UBE2H: variants seen among roughly 807,000 people sequenced by gnomAD.
The protein encoded by UBE2H is ubiquitin conjugating enzyme E2 H.
A neutral mutation model predicts 29.0 loss-of-function variants in UBE2H; 3 were observed. The observed-to-expected ratio is 0.10, with a 90% CI of 0.05 to 0.27. The LOEUF is 0.27. Ranked by LOEUF, UBE2H falls within the 10% of genes least tolerant of loss-of-function variation. The probability of loss-of-function intolerance (pLI) is 1.00; values close to 1 mark genes in which losing one functional copy is unlikely to be tolerated. For synonymous variants in UBE2H, 69 were observed against 82.9 expected, an observed-to-expected ratio of 0.83 and a Z score of 0.91; for missense variants, 68 against 228.2, an observed-to-expected ratio of 0.30 and a Z score of 4.52.
chr7:129,850,835 GAGAA>G (rs1405090261), intron 5 of UBE2H, among the ~76,000 whole-genome samples: 4 of 142,786 alleles, frequency 2.8e-5, no homozygotes, highest in African/African-American at 7.7e-5. Flanking sequence ...GAGAGAGAGA[GAGAA>G]AGAGAGAGAG....
At chr7:129,885,196 G>A (rs1806335585) in intron 1 of UBE2H, among the ~76,000 whole-genome samples, 1 of 152,172 alleles carries the variant, frequency 6.6e-6, no homozygotes, top group Non-Finnish European at 1.5e-5. Flanking sequence ...GAAGTCAACT[G>A]AATTTAGTTG....
chr7:129,933,744 T>C (rs1337459871), intron 1 of UBE2H, among the ~76,000 whole-genome samples: 1 of 152,198 alleles, frequency 6.6e-6, no homozygotes, highest in Non-Finnish European at 1.5e-5. Flanking sequence ...AGTCTAAAAA[T>C]GACCTAAGGA....
At chr7:129,947,892 G>A (rs950715134) in intron 1 of UBE2H, among the ~76,000 whole-genome samples, 21 of 151,676 alleles carry the variant, frequency 1.4e-4, no homozygotes, top group African/African-American at 3.6e-4. Flanking sequence ...TTGCTCTGTC[G>A]TCCAGGCTGG....
chr7:129,885,734 G>C (rs1295503170), intron 1 of UBE2H, among the ~76,000 whole-genome samples: 3 of 152,208 alleles, frequency 2.0e-5, no homozygotes, highest in African/African-American at 7.2e-5. Flanking sequence ...AAAATGAGAA[G>C]CTATGCTAAC....
intron 3 of UBE2H, among the ~76,000 whole-genome samples, chr7:129,863,059 GT>G (rs765290176): frequency 2.0e-5 from 3 of 152,214 alleles, no homozygotes; most frequent in African/African-American, 7.2e-5. Flanking sequence ...AGCTTTAAAT[GT>G]TTATCAAAAC....
intron 3 of UBE2H, among the ~76,000 whole-genome samples, chr7:129,870,612 T>C (rs1479240574): frequency 6.6e-6 from 1 of 152,216 alleles, no homozygotes; most frequent in Admixed American, 6.5e-5. Flanking sequence ...ACAAAGTTTC[T>C]TGACCTTGGC....
intron 1 of UBE2H, among the ~76,000 whole-genome samples, chr7:129,921,356 A>C (rs919964709): frequency 6.6e-6 from 1 of 152,202 alleles, no homozygotes; most frequent in African/African-American, 2.4e-5. Context: ...GGGCTCAAGC[A>C]AACTTTTTAA....
chr7:129,879,859 C>T (rs1046554439), intron 2 of UBE2H, among the ~76,000 whole-genome samples: 5 of 152,184 alleles, frequency 3.3e-5, no homozygotes, highest in Non-Finnish European at 7.4e-5. Flanking sequence ...ATTCATTCTG[C>T]AATTTACTTG....
At chr7:129,950,616 C>A (rs1403919343) in intron 1 of UBE2H, among the ~76,000 whole-genome samples, 1 of 152,194 alleles carries the variant, frequency 6.6e-6, no homozygotes, top group Non-Finnish European at 1.5e-5. Flanking sequence ...TGACAACGAT[C>A]ACAAACAGCT....
intron 1 of UBE2H, among the ~76,000 whole-genome samples, chr7:129,931,249 G>A (rs959699504): frequency 8.6e-5 from 13 of 150,352 alleles, no homozygotes; most frequent in South Asian, 2.1e-4. Flanking sequence ...ATTGCCACGC[G>A]TGGTGGTATG....
chr7:129,879,674 T>A, intron 2 of UBE2H, 32 bp from the exon 3 acceptor site: 1 of 1,550,856 alleles, frequency 6.4e-7, no homozygotes, highest in Non-Finnish European at 8.8e-7. Context: ...TCATCAGAAC[T>A]ACATCTCCAA....
intron 1 of UBE2H, among the ~76,000 whole-genome samples, chr7:129,899,759 C>T (rs1377941934): frequency 6.6e-6 from 1 of 152,210 alleles, no homozygotes; most frequent in African/African-American, 2.4e-5. Context: ...GATACGGCAT[C>T]ACTTAATCAA....
Position 129,952,636 on chromosome 7 carries a change from G to T in UBE2H, c.-81C>A. 6.5e-7 allele frequency: 1 copy of T among 1,536,740 alleles called. No individual in the cohort carries two copies. On this transcript the variant is annotated 5_prime_UTR_variant, in exon 1 of 7. Coordinates refer to ENST00000355621, the MANE Select transcript of UBE2H (RefSeq NM_003344.4). ...CCGGCTCTGAGGAGCCCGCGGCCGC[G>T]CCGGCTCCTCGGTGGAGGTGGCAAC... is the stretch of plus-strand genomic sequence containing the variant.
intron 3 of UBE2H, among the ~76,000 whole-genome samples, chr7:129,875,685 T>C (rs1584759199): frequency 6.6e-6 from 1 of 151,484 alleles, no homozygotes; most frequent in South Asian, 2.1e-4. Flanking sequence ...CCTCTGCTTA[T>C]TTTTTTTTAT....
At chr7:129,856,164 T>C (rs928336500) in intron 5 of UBE2H, among the ~76,000 whole-genome samples, 3 of 152,234 alleles carry the variant, frequency 2.0e-5, no homozygotes, top group Non-Finnish European at 4.4e-5. Context: ...GATTCTCATT[T>C]ACCAATCTAG....
At chr7:129,853,057 G>A (rs997342964) in intron 5 of UBE2H, among the ~76,000 whole-genome samples, 4 of 152,076 alleles carry the variant, frequency 2.6e-5, no homozygotes, top group Non-Finnish European at 5.9e-5. Context: ...AATAATTTAC[G>A]AAGGCAGTCA....
intron 1 of UBE2H, among the ~76,000 whole-genome samples, chr7:129,944,715 A>AAAACACAC (rs1304906388): frequency 1.4e-5 from 2 of 143,956 alleles, no homozygotes; most frequent in Non-Finnish European, 3.0e-5. Flanking sequence ...ATGCGCTCAA[A>AAAACACAC]ACACACACAC....
intron 3 of UBE2H, among the ~76,000 whole-genome samples, chr7:129,877,691 A>T (rs1806174010): frequency 1.3e-5 from 2 of 152,230 alleles, no homozygotes; most frequent in South Asian, 4.1e-4. Context: ...ACCAAATTTC[A>T]TATTGCATCA....
chr7:129,872,516 T>C (rs775352063), intron 3 of UBE2H, among the ~76,000 whole-genome samples: 1 of 152,066 alleles, frequency 6.6e-6, no homozygotes, highest in Non-Finnish European at 1.5e-5. Flanking sequence ...ATTAATGCAG[T>C]TCCCTTTATC....
Sources: gnomAD v4.1 joint callset for allele counts (sites outside exome capture counted in the v4.1 genomes callset) on GRCh38, gnomAD v4.1.1 for gene constraint, MANE v1.5 for transcripts, NCBI Gene and HGNC (gene_info 2026-07-23, HGNC 2026-07-21) for gene names.